Variants in SMAD3 observed in about 807,000 individuals in gnomAD.
SMAD3 encodes the protein SMAD family member 3, also known as MAD homolog 3.
A neutral mutation model predicts 51.8 loss-of-function variants in SMAD3; 12 were observed. The observed-to-expected ratio is 0.23, with a 90% confidence interval of 0.15 to 0.38. The LOEUF is 0.38. SMAD3 is among the 10% of genes least tolerant of loss of function. SMAD3 has a pLI of 1.00. For synonymous variants in SMAD3, 238 were observed against 227.7 expected, an observed-to-expected ratio of 1.05 and a Z score of -0.41; for missense variants, 294 against 565.6, an observed-to-expected ratio of 0.52 and a Z score of 4.87.
At chr15:67,100,481 T>C (rs1960728500) in intron 1 of SMAD3, among the ~76,000 whole-genome samples, 1 of 152,118 alleles carries the variant, frequency 6.6e-6, no homozygotes, top group Admixed American at 6.6e-5. Context: ...TGCCACCAAA[T>C]TATACACATT....
intron 1 of SMAD3, among the ~76,000 whole-genome samples, chr15:67,096,568 T>TA (rs1056138315): frequency 6.6e-6 from 1 of 152,152 alleles, no homozygotes; most frequent in Non-Finnish European, 1.5e-5. Flanking sequence ...AAATTAAAAA[T>TA]ACCATGACAC....
chr15:67,075,116 CA>C (rs1374097769), intron 1 of SMAD3, among the ~76,000 whole-genome samples: 2 of 151,992 alleles, frequency 1.3e-5, no homozygotes, highest in East Asian at 3.9e-4. Context: ...TCAAAAATGC[CA>C]AAAGGCATTT....
At chr15:67,073,784 C>T (rs564156857) in intron 1 of SMAD3, among the ~76,000 whole-genome samples, 1 of 152,314 alleles carries the variant, frequency 6.6e-6, no homozygotes, top group Admixed American at 6.5e-5. Flanking sequence ...AAGTGATTGT[C>T]CTGCCTCAGC....
chr15:67,123,589 T>C (rs748131691), intron 1 of SMAD3, among the ~76,000 whole-genome samples: 1 of 152,246 alleles, frequency 6.6e-6, no homozygotes, highest in Non-Finnish European at 1.5e-5. Flanking sequence ...GCCATTAATA[T>C]TATGAGCTTA....
chr15:67,141,757 AC>A (rs1171001200), intron 1 of SMAD3, among the ~76,000 whole-genome samples: 4 of 151,722 alleles, frequency 2.6e-5, no homozygotes, highest in Non-Finnish European at 1.5e-5. Flanking sequence ...CCTTGAGTCC[AC>A]CCCCCATACA....
At chr15:67,098,742 T>C (rs971801729) in intron 1 of SMAD3, 1 of 623,842 alleles carries the variant, frequency 1.6e-6, no homozygotes, top group Non-Finnish European at 2.9e-6. Context: ...TTGCTTTGGT[T>C]GTGGAGGCCT....
intron 1 of SMAD3, among the ~76,000 whole-genome samples, chr15:67,126,427 T>G (rs976321872): frequency 6.6e-6 from 1 of 152,150 alleles, no homozygotes; most frequent in Admixed American, 6.5e-5. Flanking sequence ...CTCCCTAGAT[T>G]TCTAATGGAA....
At chr15:67,174,239 T>A (rs1199449601) in intron 5 of SMAD3, 1 of 152,334 alleles carries the variant, frequency 6.6e-6, no homozygotes, top group Non-Finnish European at 1.5e-5. Flanking sequence ...TCACTGTTCC[T>A]GTACTTCTGT....
chr15:67,190,751 G>C lies in SMAD3; in HGVS notation c.*215G>C, dbSNP rs576999514. ...TGTCTGCCAAACACATTTACCCTTT[G>C]GCCCCACTTTGAAGGGCAAGAAATG... On this transcript the variant is annotated 3_prime_UTR_variant, in exon 9 of 9. Coordinates refer to ENST00000327367, the MANE Select transcript of SMAD3 (RefSeq NM_005902.4). 1.7e-4 allele frequency: 104 copies of C among 602,524 alleles called. No individual in the cohort carries two copies. The highest frequency in any genetic ancestry group is 6.6e-4 in the Admixed American group (24 of 36,266). The allele number at this position is 602,524 out of a possible 1,614,324, so 37.3% of individuals were successfully genotyped here.
intron 5 of SMAD3, among the ~76,000 whole-genome samples, chr15:67,179,592 T>C (rs553420963): frequency 6.6e-6 from 1 of 152,286 alleles, no homozygotes; most frequent in South Asian, 2.1e-4. Context: ...TTCTCCTTGC[T>C]CTTAGAAAGG....
In SMAD3 at chr15:67,184,848, C is replaced by T; in HGVS notation, c.993C>T (p.Val331=). Residue 331 remains valine, a synonymous_variant, in exon 7 of 9, where the codon GTC becomes GTT. Transcript: ENST00000327367. ...GCTATGGCTGGCACCCGGCCACCGT[C>T]TGCAAGATCCCACCAGGTAAACGAG... is the stretch of plus-strand genomic sequence containing the variant. ...NQRYGWHPAT[V]CKIPPGCNLK... 1 of 1,613,142 alleles carries T rather than the reference C, an allele frequency of 6.2e-7. No homozygotes were observed. Among genetic ancestry groups the T allele is most frequent in the Non-Finnish European group, 8.5e-7 (1 of 1,180,034 alleles).
intron 1 of SMAD3, among the ~76,000 whole-genome samples, chr15:67,120,101 C>G (rs540854777): frequency 6.6e-6 from 1 of 152,164 alleles, no homozygotes; most frequent in Non-Finnish European, 1.5e-5. Flanking sequence ...CTGGCCAAGA[C>G]TCTGGGTTTA....
chr15:67,139,751 C>G (rs919473761), intron 1 of SMAD3, among the ~76,000 whole-genome samples: 7 of 152,140 alleles, frequency 4.6e-5, no homozygotes, highest in African/African-American at 1.4e-4. Context: ...TCACCCTGAC[C>G]AACTTCAGTC....
At chr15:67,090,078 C>T (rs974017240) in intron 1 of SMAD3, among the ~76,000 whole-genome samples, 2 of 152,198 alleles carry the variant, frequency 1.3e-5, no homozygotes, top group Non-Finnish European at 2.9e-5. Flanking sequence ...GGGGGAGGCA[C>T]ACCCAGGCCG....
chr15:67,151,151 G>A (rs1216225331), intron 1 of SMAD3, among the ~76,000 whole-genome samples: 1 of 151,636 alleles, frequency 6.6e-6, no homozygotes, highest in African/African-American at 2.4e-5. Flanking sequence ...GAGCCACCAC[G>A]CCAGGCCTTA....
At chr15:67,180,208 C>T (rs1595955553) in intron 5 of SMAD3, among the ~76,000 whole-genome samples, 1 of 152,200 alleles carries the variant, frequency 6.6e-6, no homozygotes, top group East Asian at 1.9e-4. Flanking sequence ...GGTCCAGAGG[C>T]TGTGGCATCG....
At chr15:67,070,222 C>G (rs183428158) in intron 1 of SMAD3, among the ~76,000 whole-genome samples, 1 of 152,282 alleles carries the variant, frequency 6.6e-6, no homozygotes. Context: ...CCCCTTCCAG[C>G]TGCTAGGGAG....
chr15:67,141,993 T>G (rs1240773492), intron 1 of SMAD3, among the ~76,000 whole-genome samples: 3 of 152,050 alleles, frequency 2.0e-5, no homozygotes, highest in African/African-American at 4.8e-5. Context: ...TAAATTAGGG[T>G]CAATCATACA....
At chr15:67,077,590 G>A (rs114166163) in intron 1 of SMAD3, among the ~76,000 whole-genome samples, 2,654 of 152,316 alleles carry the variant, frequency 0.017, 78 homozygotes, top group African/African-American at 0.061. Flanking sequence ...TGGTGGGCCT[G>A]TGGAAGAGAC....
Sources: gnomAD v4.1 joint callset for allele counts (sites outside exome capture counted in the v4.1 genomes callset) on GRCh38, gnomAD v4.1.1 for gene constraint, MANE v1.5 for transcripts, NCBI Gene and HGNC (gene_info 2026-07-23, HGNC 2026-07-21) for gene names.